YARS1: variants seen among roughly 807,000 people sequenced by gnomAD.
YARS1 encodes tyrosyl-tRNA synthetase 1, also known as tyrosine--tRNA ligase, cytoplasmic.
YARS1 carries 36 observed loss-of-function variants against 62.2 expected under a neutral mutation model. The observed-to-expected ratio is 0.58, with a 90% CI of 0.44 to 0.76. YARS1 has a LOEUF of 0.76. YARS1 is among the 30% of genes least tolerant of loss of function. The probability of loss-of-function intolerance (pLI) is 0.00; values close to 1 mark genes in which losing one functional copy is unlikely to be tolerated. For missense variants in YARS1, 524 were observed against 639.8 expected, an observed-to-expected ratio of 0.82 and a Z score of 1.95; for synonymous variants, 234 against 244.9, an observed-to-expected ratio of 0.96 and a Z score of 0.42.
chr1:32,787,144 T>TA, intron 6 of YARS1, 69 bp from the exon 7 acceptor site: 2 of 1,595,934 alleles, frequency 1.3e-6, no homozygotes, highest in Non-Finnish European at 1.7e-6. Context: ...TAATATAAGT[T>TA]AAATTTTGTT....
At chr1:32,805,209 G>C (rs1569766055) in intron 4 of YARS1, among the ~76,000 whole-genome samples, 1 of 127,146 alleles carries the variant, frequency 7.9e-6, no homozygotes, top group East Asian at 2.7e-4. Flanking sequence ...GCATCAGAGG[G>C]AGACGGTGGA....
intron 4 of YARS1, among the ~76,000 whole-genome samples, chr1:32,800,942 T>TTTCTG (rs1478563200): frequency 6.6e-6 from 1 of 152,332 alleles, no homozygotes; most frequent in East Asian, 1.9e-4. Flanking sequence ...CAGAAGGATG[T>TTTCTG]TTCTGTTAAA....
At chr1:32,780,995 C>A (rs1653034993) in intron 10 of YARS1, 53 bp downstream of exon 10, 1 of 1,559,576 alleles carries the variant, frequency 6.4e-7, no homozygotes, top group South Asian at 1.1e-5. Flanking sequence ...CGGATGGAAA[C>A]AGACAAACCT....
chr1:32,811,276 C>T, intron 1 of YARS1: 1 of 692,066 alleles, frequency 1.4e-6, no homozygotes, highest in Non-Finnish European at 2.5e-6. Context: ...TCCATTTTGG[C>T]TCCTTCACTT....
intron 9 of YARS1, 198 bp from the exon 10 acceptor site, chr1:32,781,343 C>A: frequency 1.6e-6 from 1 of 622,312 alleles, no homozygotes. Context: ...TGTTCTCTCC[C>A]TCAATTATTA....
intron 8 of YARS1, among the ~76,000 whole-genome samples, chr1:32,785,460 CAA>C (rs768108945): frequency 4.7e-5 from 5 of 106,690 alleles, no homozygotes; most frequent in Admixed American, 9.7e-5. Context: ...GACTCTGTCT[CAA>C]AAAAAAAAAA....
intron 7 of YARS1, 21 bp from the exon 8 acceptor site, chr1:32,786,468 G>C (rs781049754): frequency 5.0e-6 from 8 of 1,604,060 alleles, no homozygotes; most frequent in East Asian, 2.2e-5. Context: ...AAGGATCCAT[G>C]TCAACAAACT....
At chr1:32,799,043 A>G (rs757944208) in intron 4 of YARS1, among the ~76,000 whole-genome samples, 8 of 152,348 alleles carry the variant, frequency 5.3e-5, no homozygotes, top group Non-Finnish European at 1.2e-4. Context: ...GTGTTGACAT[A>G]AAAGAAGAAA....
At position 32,817,260 on chromosome 1, in the gene YARS1, G is replaced by A. The variant is rs1324822622; in HGVS notation, c.-16C>T. 5.6e-6 allele frequency: 9 copies of A among 1,613,622 alleles called. No individual in the cohort carries two copies. The highest frequency in any genetic ancestry group is 1.7e-5 in the Admixed American group (1 of 60,010). On this transcript the variant is annotated 5_prime_UTR_variant, in exon 1 of 13. Transcript: ENST00000373477. ...CGTCCCCCATGGCTCCGCTACCCCTGCTTCCCCCGCTCAGCCCGGCACCAG... is the reference window on the plus strand; with the variant it reads ...CGTCCCCCATGGCTCCGCTACCCCTACTTCCCCCGCTCAGCCCGGCACCAG...
chr1:32,810,542 T>C (rs1370937871), intron 3 of YARS1, 49 bp downstream of exon 3: 2 of 1,609,984 alleles, frequency 1.2e-6, no homozygotes, highest in Non-Finnish European at 1.7e-6. Context: ...GGCCTGTAAT[T>C]AGCTAGAAGC....
At position 32,780,086 on chromosome 1, in the gene YARS1, T is replaced by C. The variant is rs76862302; in HGVS notation, c.1333A>G (p.Ile445Val). The change falls in exon 11 of 13, where the codon ATA (isoleucine) becomes GTA (valine). Residue 445 changes from isoleucine (I) to valine (V), a missense_variant and splice_region_variant. Transcript: ENST00000373477. ...GCCCCACTCCAAGTCCTCACTCACA[T>C]AGAAGCACACAGAAGCATGCCTTGG... ...ESQGMLLCAS[I>V]EGINRQVEPL... 167 of 1,614,114 alleles carry C rather than the reference T, an allele frequency of 1.0e-4. No homozygotes were observed. In the East Asian group the frequency reaches 3.0e-3, roughly 29 times the overall value.
At position 32,817,191 on chromosome 1, in the gene YARS1, C is replaced by A. The variant is rs768856707; in HGVS notation, c.54G>T (p.Leu18=). 1 of 1,614,202 alleles carries A rather than the reference C, an allele frequency of 6.2e-7. No individual in the cohort carries two copies. The highest frequency in any genetic ancestry group is 8.5e-7 in the Non-Finnish European group (1 of 1,180,008). ...ATTTCCAACCCCCAGGCCTGACCTG[C>A]AGGTTCCGGGTGATAAGGTGCAGTT... ...EEKLHLITRN[L]QEVLGEEKLK... The change falls in exon 1 of 13, where the codon CTG becomes CTT. Residue 18 remains leucine, a synonymous_variant. Transcript: ENST00000373477.
At position 32,810,624 on chromosome 1, in the gene YARS1, T is replaced by C. The variant is rs148823175; in HGVS notation, c.347A>G (p.Lys116Arg). 2.4e-5 allele frequency: 39 copies of C among 1,613,508 alleles called. 1 individual carries two copies. Among genetic ancestry groups the C allele is most frequent in the South Asian group, 8.8e-5 (8 of 91,046 alleles). Residue 116 changes from lysine to arginine, a missense_variant, in exon 3 of 13, where the codon AAG becomes AGG. Coordinates refer to ENST00000373477, the MANE Select transcript of YARS1 (RefSeq NM_003680.4). Reference sequence around the variant, plus strand: ...CTGGTAATCAGTGCCTTTGATGAACTTGAGCTTCTCCAAGGGCACACCAAT... The same window carrying C: ...CTGGTAATCAGTGCCTTTGATGAACCTGAGCTTCTCCAAGGGCACACCAAT... The part of the protein sequence containing the change: ...ESIGVPLEKL[K>R]FIKGTDYQLS...
chr1:32,797,147 A>C (rs964541561), intron 5 of YARS1, among the ~76,000 whole-genome samples: 9 of 149,268 alleles, frequency 6.0e-5, no homozygotes, highest in African/African-American at 2.2e-4. Flanking sequence ...CAAGGCAGGA[A>C]GACTGCTTGA....
chr1:32,808,834 A>G (rs1461984262), intron 3 of YARS1, among the ~76,000 whole-genome samples: 2 of 152,166 alleles, frequency 1.3e-5, no homozygotes, highest in Non-Finnish European at 2.9e-5. Flanking sequence ...TGTTTCAGCT[A>G]TCGCCATCTG....
rs752232252 is a variant in YARS1 at position 32,780,103 on chromosome 1, A to G, written c.1316T>C (p.Met439Thr). 6.2e-7 allele frequency: 1 copy of G among 1,614,116 alleles called. No homozygotes were observed. Among genetic ancestry groups the G allele is most frequent in the South Asian group, 1.1e-5 (1 of 91,076 alleles). ...QKMRGVESQGMLLCASIEGIN... is the reference protein window; with the variant it reads ...QKMRGVESQGTLLCASIEGIN... ...CACTCACATAGAAGCACACAGAAGC[A>G]TGCCTTGGGACTCGACTCCTCTCAT... The change falls in exon 11 of 13, where the codon ATG (methionine) becomes ACG (threonine). Residue 439 changes from methionine to threonine, a missense_variant. Physicochemically the swap from Met to Thr is moderately conservative, Grantham distance 81. Coordinates refer to ENST00000373477, the MANE Select transcript of YARS1 (RefSeq NM_003680.4).
chr1:32,782,231 C>A (rs1301001526), intron 9 of YARS1, 173 bp downstream of exon 9: 14 of 1,106,354 alleles, frequency 1.3e-5, no homozygotes, highest in Non-Finnish European at 1.7e-5. Context: ...TGATGTTAAC[C>A]AAACCCAAAT....
intron 12 of YARS1, among the ~76,000 whole-genome samples, chr1:32,777,384 G>C (rs1326149492): frequency 6.6e-6 from 1 of 152,132 alleles, no homozygotes; most frequent in Non-Finnish European, 1.5e-5. Context: ...AGGCCCAGGT[G>C]GGTGGAACAT....
intron 1 of YARS1, among the ~76,000 whole-genome samples, chr1:32,815,989 G>C (rs1418187698): frequency 1.3e-5 from 2 of 151,606 alleles, no homozygotes; most frequent in Non-Finnish European, 2.9e-5. Flanking sequence ...GTCACCTGTA[G>C]TCCCAGCTAC....
Sources: gnomAD v4.1 joint callset for allele counts (sites outside exome capture counted in the v4.1 genomes callset) on GRCh38, gnomAD v4.1.1 for gene constraint, MANE v1.5 for transcripts, NCBI Gene and HGNC (gene_info 2026-07-23, HGNC 2026-07-21) for gene names.